PRKN: variants seen among roughly 807,000 people sequenced by gnomAD.
PRKN encodes the protein E3 ubiquitin-protein ligase parkin.
Under a neutral mutation model 59.5 loss-of-function variants are expected in PRKN, and 56 were observed. The ratio of observed to expected loss-of-function variants is 0.94; its 90% CI spans 0.76 to 1.18. The LOEUF (loss-of-function observed/expected upper bound fraction) is 1.18, where lower values mean the gene tolerates loss of function less well. Ranked by LOEUF, PRKN falls within the 50% of genes most tolerant of loss-of-function variation. The pLI is 0.00. For missense variants in PRKN, 657 were observed against 596.4 expected (o/e 1.10, Z -1.06); for synonymous variants, 250 against 222.1 (o/e 1.13, Z -1.12).
At chr6:161,903,775 C>T (rs1328916720) in intron 6 of PRKN, among the ~76,000 whole-genome samples, 1 of 150,714 alleles carries the variant, frequency 6.6e-6, no homozygotes, top group Non-Finnish European at 1.5e-5. Context: ...AGCCTGGGAA[C>T]ACAGAGAACT....
chr6:161,652,821 T>TACTTTAAAGGAA (rs1554288415), intron 7 of PRKN, among the ~76,000 whole-genome samples: 1 of 152,062 alleles, frequency 6.6e-6, no homozygotes, highest in Non-Finnish European at 1.5e-5. Flanking sequence ...AAGCAGAAAA[T>TACTTTAAAGGAA]ACTTTAAAGG....
intron 1 of PRKN, among the ~76,000 whole-genome samples, chr6:162,557,964 A>G (rs1216925455): frequency 6.6e-6 from 1 of 152,246 alleles, no homozygotes; most frequent in African/African-American, 2.4e-5. Flanking sequence ...CAAGAGCAGC[A>G]AAACTTGTAA....
chr6:162,351,624 C>T (rs1784631003), intron 2 of PRKN, among the ~76,000 whole-genome samples: 1 of 152,132 alleles, frequency 6.6e-6, no homozygotes, highest in African/African-American at 2.4e-5. Context: ...AAATGTCCAG[C>T]TTTACATGTA....
rs554969887 is a variant in PRKN, at chr6:161,978,876, G to A, written c.619-5459C>T. Among the ~76,000 whole-genome samples the A allele has an allele frequency of 1.9e-4, 29 of 152,344 alleles. No homozygotes were observed. The South Asian group carries it at 3.7e-3, about 20-fold the overall frequency. ...ACTAGGGAAGCAGAGTATTCTGGGG[G>A]AGCAGCCGGGCAGTGTCCTCTTCAT... On this transcript the variant is annotated intron_variant, in intron 5 of 11. Coordinates refer to ENST00000366898, the MANE Select transcript of PRKN (RefSeq NM_004562.3).
chr6:161,406,751 A>G (rs1583027838), intron 9 of PRKN, among the ~76,000 whole-genome samples: 1 of 152,186 alleles, frequency 6.6e-6, no homozygotes, highest in African/African-American at 2.4e-5. Flanking sequence ...AAATGTACAT[A>G]CAACTTGTTT....
At chr6:162,436,831 C>A (rs1223514985) in intron 2 of PRKN, among the ~76,000 whole-genome samples, 2 of 151,914 alleles carry the variant, frequency 1.3e-5, no homozygotes, top group Non-Finnish European at 2.9e-5. Flanking sequence ...GTGGCTCATG[C>A]CTGTAATCTC....
At chr6:162,727,318 T>TGAGGGGCGGCGGCGGGGCGGAGGG in intron 1 of PRKN, 1 of 337,468 alleles carries the variant, frequency 3.0e-6, no homozygotes, top group Non-Finnish European at 5.4e-6. Context: ...GGGGCGAAGG[T>TGAGGGGCGGCGGCGGGGCGGAGGG]GAGGGGCGGC....
intron 6 of PRKN, among the ~76,000 whole-genome samples, chr6:161,907,765 G>A (rs988849781): frequency 3.3e-5 from 5 of 152,138 alleles, no homozygotes; most frequent in African/African-American, 1.2e-4. Flanking sequence ...AACTTAAGAA[G>A]GCTGCAATTA....
intron 9 of PRKN, among the ~76,000 whole-genome samples, chr6:161,415,508 TC>T (rs998829525): frequency 6.6e-6 from 1 of 150,588 alleles, no homozygotes; most frequent in African/African-American, 2.4e-5. Context: ...GAGTGATTGT[TC>T]CAGCCACAGA....
chr6:161,710,619 T>C (rs1786698335), intron 7 of PRKN, among the ~76,000 whole-genome samples: 2 of 152,176 alleles, frequency 1.3e-5, no homozygotes, highest in Non-Finnish European at 2.9e-5. Flanking sequence ...GTTAGAGGTC[T>C]AGACATATTC....
chr6:161,885,713 T>C (rs1262571556), intron 6 of PRKN, among the ~76,000 whole-genome samples: 1 of 151,216 alleles, frequency 6.6e-6, no homozygotes, highest in East Asian at 1.9e-4. Flanking sequence ...TAGAACAACA[T>C]TCTCTGAATT....
rs76446278 is a variant in PRKN at position 162,410,777 on chromosome 6, T to C, written c.171+32533A>G. On this transcript the variant is annotated intron_variant, in intron 2 of 11. Transcript: ENST00000366898. ...CTGCTCCACTATCTTGGAGTTTGGCTTCTGTTATCACCTGAGGAGCTGAAA... is the reference window on the plus strand; with the variant it reads ...CTGCTCCACTATCTTGGAGTTTGGCCTCTGTTATCACCTGAGGAGCTGAAA... Among the ~76,000 whole-genome samples, 308 of 152,292 alleles carry C rather than the reference T, an allele frequency of 2.0e-3. 1 individual carries two copies. Among genetic ancestry groups the C allele is most frequent in the African/African-American group, 7.1e-3 (295 of 41,560 alleles).
chr6:161,593,073 C>T lies in PRKN; in HGVS notation c.872-23657G>A, dbSNP rs545829928. ...CCTCAGATGCGCTGCACCCCACGTC[C>T]GCTGCTGTTAACATCCTACATAACC... On this transcript the variant is annotated intron_variant, in intron 7 of 11. Coordinates refer to ENST00000366898, the MANE Select transcript of PRKN (RefSeq NM_004562.3). This position sits in a 1 kb window ranked among gnomAD's most constrained non-coding sequence, Gnocchi z 4.8. Among the ~76,000 whole-genome samples, 18 of 152,300 alleles carry T rather than the reference C, an allele frequency of 1.2e-4. No individual in the cohort carries two copies. The South Asian group carries it at 3.3e-3, about 28-fold the overall frequency.
Position 161,530,197 on chromosome 6 carries a change from G to C in PRKN, c.1083+18657C>G, listed in dbSNP as rs1420549726. Among the ~76,000 whole-genome samples, 1 of 152,138 alleles carries C rather than the reference G, an allele frequency of 6.6e-6. No individual in the cohort carries two copies. The highest frequency in any genetic ancestry group is 2.4e-5 in the African/African-American group (1 of 41,442). On this transcript the variant is annotated intron_variant, in intron 9 of 11. Coordinates refer to ENST00000366898, the MANE Select transcript of PRKN (RefSeq NM_004562.3). This position sits in a 1 kb window ranked among gnomAD's most constrained non-coding sequence, Gnocchi z 5.0. Reference sequence around the variant, plus strand: ...GACAGCACAGGAAAGAGAACAAAGAGAACAAAAACTACTTGGATTGTCTGG... The same window carrying C: ...GACAGCACAGGAAAGAGAACAAAGACAACAAAAACTACTTGGATTGTCTGG...
intron 10 of PRKN, among the ~76,000 whole-genome samples, chr6:161,375,157 C>T (rs1006408030): frequency 6.6e-6 from 1 of 152,162 alleles, no homozygotes; most frequent in East Asian, 1.9e-4. Context: ...CAAGGCAGAA[C>T]TCCTGGGGGT....
chr6:161,530,777 C>T lies in PRKN; in HGVS notation c.1083+18077G>A, dbSNP rs1174324448. ...AGGTGATCCGCCCGTATTGGCCTCC[C>T]AAAGTGCTGGGATTACAGGCGTGAG... On this transcript the variant is annotated intron_variant, in intron 9 of 11. Coordinates refer to ENST00000366898, the MANE Select transcript of PRKN (RefSeq NM_004562.3). The surrounding 1 kb of genome is among the most constrained non-coding windows in gnomAD (Gnocchi z 5.0). Among the ~76,000 whole-genome samples, 1 of 152,052 alleles carries T rather than the reference C, an allele frequency of 6.6e-6. No homozygotes were observed. The highest frequency in any genetic ancestry group is 1.5e-5 in the Non-Finnish European group (1 of 68,028).
chr6:161,809,657 A>G (rs557835093), intron 6 of PRKN, among the ~76,000 whole-genome samples: 1 of 152,330 alleles, frequency 6.6e-6, no homozygotes, highest in Non-Finnish European at 1.5e-5. Flanking sequence ...AAAAATATAA[A>G]TCATTCCATT....
At chr6:161,684,575 G>T (rs1785486675) in intron 7 of PRKN, among the ~76,000 whole-genome samples, 1 of 151,942 alleles carries the variant, frequency 6.6e-6, no homozygotes, top group Non-Finnish European at 1.5e-5. Flanking sequence ...AATAAAATCT[G>T]TTATCACCTA....
chr6:162,446,642 C>T (rs2128169063), intron 1 of PRKN, among the ~76,000 whole-genome samples: 1 of 151,888 alleles, frequency 6.6e-6, no homozygotes, highest in South Asian at 2.1e-4. Flanking sequence ...AAAGATAAAC[C>T]AAATACATAA....
Sources: allele counts gnomAD v4.1 joint callset (sites outside exome capture counted in the v4.1 genomes callset), GRCh38; gene constraint gnomAD v4.1.1; non-coding constraint Gnocchi (gnomAD v3.1); transcripts MANE v1.5; gene names NCBI Gene and HGNC (gene_info 2026-07-23, HGNC 2026-07-21).